WWOX: variants seen among roughly 807,000 people sequenced by gnomAD.
The protein encoded by WWOX is WW domain-containing oxidoreductase.
Under a neutral mutation model 46.2 loss-of-function variants are expected in WWOX, and 69 were observed. The ratio of observed to expected loss-of-function variants is 1.49; its 90% CI spans 1.23 to 1.82. The LOEUF is 1.82. Ranked by LOEUF, WWOX falls within the 40% of genes most tolerant of loss-of-function variation. The pLI is 0.00. For missense variants in WWOX, 919 were observed against 542.6 expected (o/e 1.69, Z -6.89); for synonymous variants, 359 against 202.6 (o/e 1.77, Z -6.56).
intron 5 of WWOX, among the ~76,000 whole-genome samples, chr16:78,261,776 C>G (rs60146598): frequency 1.8e-4 from 7 of 38,370 alleles, no homozygotes; most frequent in African/African-American, 5.2e-4. Context: ...ATCTATGTAT[C>G]TATCTATCTA....
At chr16:78,973,641 G>A (rs1387855923) in intron 8 of WWOX, among the ~76,000 whole-genome samples, 4 of 152,060 alleles carry the variant, frequency 2.6e-5, no homozygotes, top group Non-Finnish European at 5.9e-5. Context: ...TATTTTGTTT[G>A]CTTTGCTTTG....
At chr16:78,525,932 G>A (rs981868348) in intron 8 of WWOX, 2 of 151,914 alleles carry the variant, frequency 1.3e-5, no homozygotes, top group Non-Finnish European at 2.9e-5. Context: ...AATCATATAA[G>A]CATGATTTAT....
chr16:78,976,929 A>G (rs921565722), intron 8 of WWOX, among the ~76,000 whole-genome samples: 1 of 152,162 alleles, frequency 6.6e-6, no homozygotes, highest in Non-Finnish European at 1.5e-5. Context: ...GGGCCATCAG[A>G]AAGGAAGTAA....
rs147562427 is a variant in WWOX at position 79,179,538 on chromosome 16, T to A, written c.1057-32070T>A. The stretch of plus-strand genomic sequence containing the variant: ...GTTTTTGTTTTTCCTTCAGCCTAGC[T>A]AAAATGAAGGCAACATTCAGAATGA... On this transcript the variant is annotated intron_variant, in intron 8 of 8. Coordinates refer to ENST00000566780, the MANE Select transcript of WWOX (RefSeq NM_016373.4). Among the ~76,000 whole-genome samples the A allele has an allele frequency of 4.7e-3, 716 of 152,342 alleles. 4 individuals carry two copies. Among genetic ancestry groups the A allele is most frequent in the African/African-American group, 0.017 (702 of 41,592 alleles).
At chr16:78,752,338 A>C (rs1054892930) in intron 8 of WWOX, among the ~76,000 whole-genome samples, 2 of 152,216 alleles carry the variant, frequency 1.3e-5, no homozygotes, top group African/African-American at 4.8e-5. Context: ...CCCAGGCTAG[A>C]GTACAGTGAT....
At chr16:78,445,166 C>G (rs79453811) in intron 8 of WWOX, among the ~76,000 whole-genome samples, 1 of 152,180 alleles carries the variant, frequency 6.6e-6, no homozygotes, top group East Asian at 1.9e-4. Context: ...ATAAGCTGTC[C>G]TAGAGTCTGG....
Position 78,200,695 on chromosome 16 carries a change from G to GA in WWOX, c.516+36406_516+36407insA, listed in dbSNP as rs2036202714. 4.5e-5 allele frequency among the ~76,000 whole-genome samples: 3 copies of GA among 66,516 alleles called. No homozygotes were observed. In the South Asian group the frequency reaches 1.2e-3, roughly 27 times the overall value. The allele number at this position is 66,516 out of a possible 152,430, so 43.6% of individuals were successfully genotyped here. A position where few individuals can be genotyped will look rare whatever the true frequency, so the allele number is the denominator to read the frequency against. On this transcript the variant is annotated intron_variant, in intron 5 of 8. Coordinates refer to ENST00000566780, the MANE Select transcript of WWOX (RefSeq NM_016373.4). The stretch of plus-strand genomic sequence containing the variant: ...AGCTGGATTAATTTTACAGTGTGGT[G>GA]CCTTTGCCCAAGGTGAACCTGTCTG...
chr16:78,935,245 C>G (rs1488602486), intron 8 of WWOX, among the ~76,000 whole-genome samples: 2 of 152,156 alleles, frequency 1.3e-5, no homozygotes, highest in African/African-American at 4.8e-5. Context: ...CCAGCCATCC[C>G]ATTACTGGGT....
At chr16:78,362,178 G>C (rs1219301128) in intron 5 of WWOX, among the ~76,000 whole-genome samples, 2 of 152,178 alleles carry the variant, frequency 1.3e-5, no homozygotes, top group African/African-American at 2.4e-5. Context: ...TCTGCTGTTA[G>C]GGACGTGCTA....
intron 8 of WWOX, among the ~76,000 whole-genome samples, chr16:79,066,944 TTGGCAGAGA>T (rs148451765): frequency 0.097 from 14,776 of 152,130 alleles, 751 homozygotes; most frequent in Middle Eastern, 0.15. Context: ...GACTGGCTTG[TTGGCAGAGA>T]TGGCAGAGAT....
chr16:78,696,240 A>T (rs1338962708), intron 8 of WWOX, among the ~76,000 whole-genome samples: 1 of 152,136 alleles, frequency 6.6e-6, no homozygotes, highest in Non-Finnish European at 1.5e-5. Context: ...AGTGATACTA[A>T]TACCTGCCTT....
intron 8 of WWOX, among the ~76,000 whole-genome samples, chr16:79,083,386 C>T (rs7202165): frequency 0.044 from 6,670 of 152,210 alleles, 489 homozygotes; most frequent in African/African-American, 0.15. Flanking sequence ...CCTCCTGGGT[C>T]CCTGAGTGAC....
chr16:79,057,389 C>T (rs926855531), intron 8 of WWOX, among the ~76,000 whole-genome samples: 1 of 152,206 alleles, frequency 6.6e-6, no homozygotes, highest in South Asian at 2.1e-4. Flanking sequence ...AATTCACCGG[C>T]CATAGCATTT....
intron 8 of WWOX, among the ~76,000 whole-genome samples, chr16:79,136,799 C>T (rs968559499): frequency 6.6e-6 from 1 of 152,260 alleles, no homozygotes; most frequent in Non-Finnish European, 1.5e-5. Flanking sequence ...AGGCACATGC[C>T]ATGTACATGC....
chr16:78,182,507 T>C (rs1327630193), intron 5 of WWOX, among the ~76,000 whole-genome samples: 1 of 151,992 alleles, frequency 6.6e-6, no homozygotes, highest in Non-Finnish European at 1.5e-5. Flanking sequence ...TGTGAGTCTC[T>C]GTTCAAGGGT....
At chr16:78,500,098 TTGAGGTTTTTGGTGTG>T (rs1199115966) in intron 8 of WWOX, among the ~76,000 whole-genome samples, 2 of 152,130 alleles carry the variant, frequency 1.3e-5, no homozygotes, top group Admixed American at 6.5e-5. Context: ...AAAGCACACA[TTGAGGTTTTTGGTGTG>T]CCATTCTAAT....
intron 5 of WWOX, among the ~76,000 whole-genome samples, chr16:78,256,136 C>CAAG (rs2038123940): frequency 9.7e-6 from 1 of 102,858 alleles, no homozygotes; most frequent in East Asian, 3.0e-4. Flanking sequence ...GGCGACAGAG[C>CAAG]AAGACTCCAT....
At chr16:78,621,133 G>A (rs1339305277) in intron 8 of WWOX, among the ~76,000 whole-genome samples, 10 of 152,260 alleles carry the variant, frequency 6.6e-5, no homozygotes, top group African/African-American at 1.2e-4. Flanking sequence ...TTAATGGGCA[G>A]GGTATAGTGC....
intron 8 of WWOX, among the ~76,000 whole-genome samples, chr16:78,869,384 A>C (rs1345649226): frequency 6.6e-6 from 1 of 152,122 alleles, no homozygotes; most frequent in Non-Finnish European, 1.5e-5. Context: ...TCCTACTCAA[A>C]ATGGTTTTTA....
Sources: gnomAD v4.1 joint callset for allele counts (sites outside exome capture counted in the v4.1 genomes callset) on GRCh38, gnomAD v4.1.1 for gene constraint, MANE v1.5 for transcripts, NCBI Gene and HGNC (gene_info 2026-07-23, HGNC 2026-07-21) for gene names.